Variants in AGBL4 observed in about 807,000 individuals in gnomAD.
The protein encoded by AGBL4 is cytosolic carboxypeptidase 6.
In AGBL4, 58 loss-of-function variants were observed where a neutral mutation model predicts 66.4. That is an observed-to-expected ratio of 0.87 (90% CI 0.71 to 1.09). AGBL4 has a LOEUF of 1.09. Ranked by LOEUF, AGBL4 falls within the 50% of genes least tolerant of loss-of-function variation. The pLI, the probability that AGBL4 is intolerant of heterozygous loss-of-function variation, is 0.00. For synonymous variants in AGBL4, 234 were observed against 222.9 expected, an observed-to-expected ratio of 1.05 and a Z score of -0.44; for missense variants, 579 against 631.0, an observed-to-expected ratio of 0.92 and a Z score of 0.88.
intron 3 of AGBL4, among the ~76,000 whole-genome samples, chr1:49,556,349 G>A (rs1339786601): frequency 6.6e-6 from 1 of 152,006 alleles, no homozygotes; most frequent in African/African-American, 2.4e-5. Context: ...GACACAGGAA[G>A]GGGAACATCA....
Position 49,849,726 on chromosome 1 carries a change from A to G in AGBL4, c.157+1670T>C, listed in dbSNP as rs189829284. Among the ~76,000 whole-genome samples the G allele has an allele frequency of 5.2e-4, 79 of 152,128 alleles. No individual in the cohort carries two copies. The East Asian group carries it at 0.014, about 26-fold the overall frequency. On this transcript the variant is annotated intron_variant, in intron 2 of 13. Transcript: ENST00000371839. ...TATGCATTATTTATTTGGTGATTAC[A>G]TGGTAAGATTGAACAATTTCTTTTA...
At chr1:48,749,763 C>A (rs1215201839) in intron 6 of AGBL4, among the ~76,000 whole-genome samples, 2 of 152,248 alleles carry the variant, frequency 1.3e-5, no homozygotes, top group African/African-American at 4.8e-5. Context: ...GGTTCTTCAT[C>A]TGTGGTTCTT....
intron 5 of AGBL4, among the ~76,000 whole-genome samples, chr1:48,981,745 C>T (rs1053190193): frequency 7.9e-5 from 12 of 152,132 alleles, no homozygotes; most frequent in Middle Eastern, 3.4e-3. Flanking sequence ...ATTAGCCAGG[C>T]GTGGTAGTGC....
At chr1:48,782,621 G>A (rs1403599356) in intron 6 of AGBL4, among the ~76,000 whole-genome samples, 1 of 152,076 alleles carries the variant, frequency 6.6e-6, no homozygotes, top group African/African-American at 2.4e-5. Context: ...TTTTTAAATA[G>A]TAGTTTTAGG....
chr1:49,443,391 T>C (rs1418089284), intron 3 of AGBL4, among the ~76,000 whole-genome samples: 2 of 152,142 alleles, frequency 1.3e-5, no homozygotes, highest in Admixed American at 6.5e-5. Flanking sequence ...AATATTTTTA[T>C]AATTTCAGAT....
chr1:48,646,911 A>G (rs1485108378), intron 8 of AGBL4, among the ~76,000 whole-genome samples: 1 of 152,166 alleles, frequency 6.6e-6, no homozygotes, highest in African/African-American at 2.4e-5. Context: ...AGACACTTAC[A>G]TACTAGCTCC....
chr1:49,182,532 C>G (rs1358890442), intron 4 of AGBL4, among the ~76,000 whole-genome samples: 1 of 152,172 alleles, frequency 6.6e-6, no homozygotes, highest in East Asian at 1.9e-4. Flanking sequence ...TAATAACATG[C>G]CTTGCCCTGG....
chr1:49,290,455 A>G (rs942533001), intron 3 of AGBL4, among the ~76,000 whole-genome samples: 2 of 152,210 alleles, frequency 1.3e-5, no homozygotes, highest in Non-Finnish European at 2.9e-5. Flanking sequence ...AGTAAGTCAC[A>G]TGTCTAAGCC....
intron 2 of AGBL4, among the ~76,000 whole-genome samples, chr1:49,802,556 A>C (rs905843436): frequency 5.9e-5 from 9 of 152,188 alleles, no homozygotes; most frequent in African/African-American, 2.2e-4. Flanking sequence ...TTATCTCTGT[A>C]TACTGTACTT....
At chr1:49,360,984 G>GAATTTTTAAT (rs1644123851) in intron 3 of AGBL4, among the ~76,000 whole-genome samples, 1 of 151,878 alleles carries the variant, frequency 6.6e-6, no homozygotes, top group South Asian at 2.1e-4. Flanking sequence ...TTTTAATAAA[G>GAATTTTTAAT]AAAGAGTTTC....
intron 3 of AGBL4, among the ~76,000 whole-genome samples, chr1:49,583,612 G>T (rs1644588765): frequency 6.6e-6 from 1 of 152,038 alleles, no homozygotes; most frequent in South Asian, 2.1e-4. Context: ...ATTCCAGCTG[G>T]TTATTGTCAT....
chr1:49,742,866 C>T (rs893165470), intron 2 of AGBL4, among the ~76,000 whole-genome samples: 23 of 152,024 alleles, frequency 1.5e-4, no homozygotes, highest in African/African-American at 4.6e-4. Flanking sequence ...AAGCTGAAAC[C>T]GGATCCCTCT....
chr1:49,976,554 C>T (rs1212875253), intron 1 of AGBL4, among the ~76,000 whole-genome samples: 1 of 152,082 alleles, frequency 6.6e-6, no homozygotes, highest in Non-Finnish European at 1.5e-5. Context: ...GTTTTGGAAA[C>T]CCTGAGCCAT....
intron 3 of AGBL4, among the ~76,000 whole-genome samples, chr1:49,553,470 G>A (rs1050669435): frequency 1.3e-5 from 2 of 152,108 alleles, no homozygotes; most frequent in South Asian, 2.1e-4. Flanking sequence ...AGTTTCTAGG[G>A]TAGTCTATAA....
chr1:48,804,059 A>G (rs1010840994), intron 6 of AGBL4, among the ~76,000 whole-genome samples: 3 of 152,224 alleles, frequency 2.0e-5, no homozygotes, highest in Non-Finnish European at 2.9e-5. Context: ...AAGTGATAGC[A>G]TAATCCTGGC....
intron 2 of AGBL4, among the ~76,000 whole-genome samples, chr1:49,735,007 TA>T (rs1472618925): frequency 3.9e-5 from 6 of 151,950 alleles, no homozygotes; most frequent in African/African-American, 7.2e-5. Context: ...TGAAATCAGT[TA>T]AAAGAGGAAA....
chr1:48,585,328 G>C (rs570081960), intron 11 of AGBL4: 158 of 152,330 alleles, frequency 1.0e-3, no homozygotes, highest in African/African-American at 3.7e-3. Flanking sequence ...ATCCCCTTTA[G>C]TGCACAAGCT....
chr1:49,521,442 C>G (rs984936248), intron 3 of AGBL4, among the ~76,000 whole-genome samples: 2 of 151,854 alleles, frequency 1.3e-5, no homozygotes, highest in Non-Finnish European at 2.9e-5. Context: ...AATAGAGAAT[C>G]CAGAATAAAT....
chr1:49,941,846 T>C (rs572570014), intron 1 of AGBL4, among the ~76,000 whole-genome samples: 70 of 152,130 alleles, frequency 4.6e-4, no homozygotes, highest in Admixed American at 2.6e-3. Flanking sequence ...CCCATTCTCA[T>C]CACTTGTATT....
Sources: allele counts gnomAD v4.1 joint callset (sites outside exome capture counted in the v4.1 genomes callset), GRCh38; gene constraint gnomAD v4.1.1; transcripts MANE v1.5; gene names NCBI Gene and HGNC (gene_info 2026-07-23, HGNC 2026-07-21).